The following UNC5D variants were observed in gnomAD, a reference collection of about 807,000 sequenced individuals.
The protein encoded by UNC5D is netrin receptor UNC5D.
Under a neutral mutation model 105.4 loss-of-function variants are expected in UNC5D, and 39 were observed. The observed-to-expected ratio is 0.37, with a 90% CI of 0.29 to 0.48. The LOEUF (loss-of-function observed/expected upper bound fraction) is 0.48. Among genes scored for constraint, UNC5D ranks in the 20% least tolerant of loss-of-function variants. UNC5D has a pLI of 0.98. For synonymous variants in UNC5D, 452 were observed against 450.4 expected (o/e 1.00, Z -0.04); for missense variants, 991 against 1,202.4 (o/e 0.82, Z 2.60).
chr8:35,697,868 A>G lies in UNC5D; in HGVS notation c.1085-8061A>G, dbSNP rs573326373. ...GGAAGTCAAGGGTCCTCAATTTACA[A>G]TTTCCCTTTAAGCATTTTTTAATGA... is the stretch of plus-strand genomic sequence containing the variant. On this transcript the variant is annotated intron_variant, in intron 7 of 16. Coordinates refer to ENST00000404895, the MANE Select transcript of UNC5D (RefSeq NM_080872.4). Among the ~76,000 whole-genome samples the G allele has an allele frequency of 2.0e-5, 3 of 152,230 alleles. No individual in the cohort carries two copies. The South Asian group carries it at 6.2e-4, about 32-fold the overall frequency.
At chr8:35,308,791 T>C (rs577653184) in intron 1 of UNC5D, among the ~76,000 whole-genome samples, 1 of 152,308 alleles carries the variant, frequency 6.6e-6, no homozygotes, top group East Asian at 1.9e-4. Flanking sequence ...GTTTCAACTG[T>C]TATTGACTAT....
intron 1 of UNC5D, among the ~76,000 whole-genome samples, chr8:35,459,447 A>T (rs1315790905): frequency 6.6e-6 from 1 of 152,174 alleles, no homozygotes; most frequent in Non-Finnish European, 1.5e-5. Flanking sequence ...CTTGTTGAAC[A>T]CACATTAATC....
At chr8:35,550,241 TA>T (rs1262395651) in intron 2 of UNC5D, among the ~76,000 whole-genome samples, 1 of 152,216 alleles carries the variant, frequency 6.6e-6, no homozygotes, top group African/African-American at 2.4e-5. Context: ...TACCTTCTCG[TA>T]GACAAGGAAA....
At chr8:35,259,591 G>A (rs2128820043) in intron 1 of UNC5D, among the ~76,000 whole-genome samples, 1 of 152,216 alleles carries the variant, frequency 6.6e-6, no homozygotes, top group South Asian at 2.1e-4. Flanking sequence ...GAACACTTTA[G>A]TCAGACTGAT....
At chr8:35,347,440 AT>A (rs1468493060) in intron 1 of UNC5D, among the ~76,000 whole-genome samples, 2 of 151,906 alleles carry the variant, frequency 1.3e-5, no homozygotes. Flanking sequence ...GTGTGTCGTT[AT>A]TTTCATTGCA....
intron 2 of UNC5D, among the ~76,000 whole-genome samples, chr8:35,565,136 G>A (rs1386099479): frequency 6.6e-6 from 1 of 152,078 alleles, no homozygotes; most frequent in African/African-American, 2.4e-5. Context: ...TCAAGTGGTA[G>A]ATCTACTTTA....
intron 4 of UNC5D, among the ~76,000 whole-genome samples, chr8:35,642,196 G>A (rs1001019771): frequency 2.6e-5 from 4 of 152,044 alleles, no homozygotes; most frequent in African/African-American, 4.8e-5. Context: ...ACATTCATAC[G>A]ATCAGAATTA....
intron 1 of UNC5D, among the ~76,000 whole-genome samples, chr8:35,447,617 C>A (rs76337410): frequency 0.017 from 2,528 of 152,108 alleles, 81 homozygotes; most frequent in African/African-American, 0.058. Context: ...ATTTAAAGTG[C>A]CTAAAAATCT....
chr8:35,577,224 A>G (rs1563552950), intron 3 of UNC5D, among the ~76,000 whole-genome samples: 1 of 152,222 alleles, frequency 6.6e-6, no homozygotes, highest in Non-Finnish European at 1.5e-5. Context: ...ACAAAATACT[A>G]TTATCTATTC....
chr8:35,347,891 C>T (rs1585638507), intron 1 of UNC5D, among the ~76,000 whole-genome samples: 2 of 151,998 alleles, frequency 1.3e-5, no homozygotes, highest in African/African-American at 2.4e-5. Flanking sequence ...GTTTACAAAA[C>T]ACGAATGAAG....
chr8:35,537,955 G>A (rs980695984), intron 1 of UNC5D, among the ~76,000 whole-genome samples: 1 of 151,628 alleles, frequency 6.6e-6, no homozygotes, highest in African/African-American at 2.4e-5. Context: ...AATAATGAAG[G>A]GTCTCACATC....
At chr8:35,567,181 C>T (rs1490287727) in intron 2 of UNC5D, among the ~76,000 whole-genome samples, 1 of 152,178 alleles carries the variant, frequency 6.6e-6, no homozygotes, top group African/African-American at 2.4e-5. Context: ...TTCTTCACCT[C>T]CTCATACCAT....
At chr8:35,513,664 C>T (rs1237211425) in intron 1 of UNC5D, among the ~76,000 whole-genome samples, 1 of 152,164 alleles carries the variant, frequency 6.6e-6, no homozygotes, top group African/African-American at 2.4e-5. Context: ...AAAATGAGTT[C>T]CTTGTTCCTT....
At chr8:35,790,074 A>G (rs1802966574) in intron 16 of UNC5D, among the ~76,000 whole-genome samples, 2 of 152,126 alleles carry the variant, frequency 1.3e-5, no homozygotes, top group East Asian at 1.9e-4. Context: ...TGACTGTGCC[A>G]TTGCACTCCA....
intron 6 of UNC5D, among the ~76,000 whole-genome samples, chr8:35,685,355 G>A (rs978275981): frequency 6.6e-6 from 1 of 152,062 alleles, no homozygotes; most frequent in Non-Finnish European, 1.5e-5. Context: ...CTTACTGGCT[G>A]TAACCCAATT....
At chr8:35,251,482 A>G (rs954696714) in intron 1 of UNC5D, among the ~76,000 whole-genome samples, 1 of 152,192 alleles carries the variant, frequency 6.6e-6, no homozygotes, top group Non-Finnish European at 1.5e-5. Flanking sequence ...GACAAACCGT[A>G]TCACATCCTA....
rs565628482 is a variant in UNC5D, at chr8:35,585,669, A to C, written c.467-9885A>C. On this transcript the variant is annotated intron_variant, in intron 3 of 16. Coordinates refer to ENST00000404895, the MANE Select transcript of UNC5D (RefSeq NM_080872.4). ...ATACAATTAAAAAAGAACATTTTAG[A>C]ATTTGTAATTCACTAAACTTTGAAG... 5.9e-5 allele frequency among the ~76,000 whole-genome samples: 9 copies of C among 152,064 alleles called. No homozygotes were observed. The South Asian group carries it at 1.7e-3, about 28-fold the overall frequency.
intron 3 of UNC5D, among the ~76,000 whole-genome samples, chr8:35,569,030 T>G (rs1253105228): frequency 6.8e-6 from 1 of 146,322 alleles, no homozygotes; most frequent in Non-Finnish European, 1.5e-5. Flanking sequence ...AAAACTGCAT[T>G]AGTTTGACCC....
At chr8:35,783,840 G>C (rs1312818838) in intron 16 of UNC5D, among the ~76,000 whole-genome samples, 2 of 152,050 alleles carry the variant, frequency 1.3e-5, no homozygotes, top group Non-Finnish European at 2.9e-5. Context: ...TTCTATCATG[G>C]TTCCTCAATT....
Sources: gnomAD v4.1 joint callset for allele counts (sites outside exome capture counted in the v4.1 genomes callset) on GRCh38, gnomAD v4.1.1 for gene constraint, MANE v1.5 for transcripts, NCBI Gene and HGNC (gene_info 2026-07-23, HGNC 2026-07-21) for gene names.